RBMS3: variants seen among roughly 807,000 people sequenced by gnomAD.
RBMS3 encodes the protein RNA-binding motif, single-stranded-interacting protein 3.
Under a neutral mutation model 66.8 loss-of-function variants are expected in RBMS3, and 27 were observed. That is an observed-to-expected ratio of 0.40 (90% CI 0.30 to 0.56). The LOEUF is 0.56. Ranked by LOEUF, RBMS3 falls within the 20% of genes least tolerant of loss-of-function variation. RBMS3 has a pLI of 0.40. For missense variants in RBMS3, 513 were observed against 549.5 expected (o/e 0.93, Z 0.66); for synonymous variants, 188 against 183.0 (o/e 1.03, Z -0.22).
chr3:29,967,122 G>A (rs1228544626), intron 12 of RBMS3, among the ~76,000 whole-genome samples: 1 of 152,050 alleles, frequency 6.6e-6, no homozygotes, highest in Non-Finnish European at 1.5e-5. Context: ...TAGCATCTAT[G>A]TTCATCAAGG....
chr3:29,901,983 G>A (rs916404249), intron 10 of RBMS3, among the ~76,000 whole-genome samples: 5 of 151,720 alleles, frequency 3.3e-5, no homozygotes, highest in African/African-American at 2.4e-5. Context: ...TCAAAGTGAG[G>A]TTAAGTCACC....
At chr3:29,448,288 A>G (rs1171089453) in intron 2 of RBMS3, among the ~76,000 whole-genome samples, 7 of 152,194 alleles carry the variant, frequency 4.6e-5, no homozygotes, top group Admixed American at 1.3e-4. Context: ...GGCTCTCCCC[A>G]TTTCAGAATT....
At chr3:29,361,818 C>T (rs1177176628) in intron 1 of RBMS3, among the ~76,000 whole-genome samples, 1 of 152,022 alleles carries the variant, frequency 6.6e-6, no homozygotes, top group Non-Finnish European at 1.5e-5. Context: ...TCACTGATAC[C>T]CTTTCTTCCA....
chr3:29,858,482 T>C (rs1171565862), intron 6 of RBMS3, among the ~76,000 whole-genome samples: 1 of 152,206 alleles, frequency 6.6e-6, no homozygotes, highest in African/African-American at 2.4e-5. Context: ...AGTAACTTTT[T>C]CCTTGGTGCT....
At chr3:29,885,402 T>C (rs930691288) in intron 8 of RBMS3, among the ~76,000 whole-genome samples, 2 of 151,840 alleles carry the variant, frequency 1.3e-5, no homozygotes, top group African/African-American at 4.8e-5. Flanking sequence ...GAAGTAAAGA[T>C]ATGGAGAAGA....
rs188300499 is a variant in RBMS3, at chr3:29,579,164, A to G, written c.308-7950A>G. 7.9e-5 allele frequency among the ~76,000 whole-genome samples: 12 copies of G among 152,302 alleles called. No individual in the cohort carries two copies. In the East Asian group the frequency reaches 2.3e-3, roughly 29 times the overall value. The stretch of plus-strand genomic sequence containing the variant: ...TTCACTTTTCTTCTTTTCTGCTCTG[A>G]ACTATTTCATGTATCTTTCCGGGTT... On this transcript the variant is annotated intron_variant, in intron 3 of 14. Transcript: ENST00000383767.
intron 10 of RBMS3, among the ~76,000 whole-genome samples, chr3:29,923,273 A>G (rs575354878): frequency 2.6e-5 from 4 of 152,328 alleles, no homozygotes; most frequent in Admixed American, 2.0e-4. Context: ...CAATGGAGCT[A>G]TTTCCACAGC....
chr3:29,951,944 AATT>A (rs998220038), intron 12 of RBMS3, among the ~76,000 whole-genome samples: 24 of 151,766 alleles, frequency 1.6e-4, no homozygotes, highest in African/African-American at 4.3e-4. Flanking sequence ...GAATGCATAA[AATT>A]ATTATCATAT....
chr3:29,864,538 C>G (rs529281198), intron 6 of RBMS3, among the ~76,000 whole-genome samples: 9 of 152,128 alleles, frequency 5.9e-5, no homozygotes, highest in East Asian at 3.9e-4. Context: ...GTTGACGAAG[C>G]CTCTATGGAG....
intron 3 of RBMS3, among the ~76,000 whole-genome samples, chr3:29,560,761 A>G (rs1279057732): frequency 3.3e-5 from 5 of 152,220 alleles, no homozygotes; most frequent in African/African-American, 1.2e-4. Context: ...TTTTAAGTGC[A>G]GGAATACAAG....
intron 6 of RBMS3, among the ~76,000 whole-genome samples, chr3:29,823,058 C>T (rs1484800835): frequency 6.6e-6 from 1 of 152,048 alleles, no homozygotes; most frequent in East Asian, 1.9e-4. Flanking sequence ...TTTTTAAATT[C>T]ACATTTAAAA....
intron 4 of RBMS3, among the ~76,000 whole-genome samples, chr3:29,706,670 G>C (rs1184170682): frequency 2.0e-5 from 3 of 152,314 alleles, no homozygotes; most frequent in Admixed American, 2.0e-4. Context: ...GATCTTCAGG[G>C]ATAAAGCCGT....
intron 1 of RBMS3, among the ~76,000 whole-genome samples, chr3:29,397,651 T>C (rs896566321): frequency 6.6e-6 from 1 of 152,138 alleles, no homozygotes; most frequent in Non-Finnish European, 1.5e-5. Context: ...CATCCTTTCC[T>C]ATTATCCTCT....
intron 6 of RBMS3, among the ~76,000 whole-genome samples, chr3:29,788,608 A>AT (rs2056904484): frequency 1.3e-5 from 2 of 152,126 alleles, no homozygotes; most frequent in Admixed American, 1.3e-4. Flanking sequence ...TATGTACAAT[A>AT]TTTTTTATTT....
Position 29,770,584 on chromosome 3 carries a change from A to C in RBMS3, c.637+7595A>C, listed in dbSNP as rs146671940. Among the ~76,000 whole-genome samples, 507 of 152,140 alleles carry C rather than the reference A, an allele frequency of 3.3e-3. 1 individual carries two copies. Among genetic ancestry groups the C allele is most frequent in the African/African-American group, 0.011 (474 of 41,550 alleles). On this transcript the variant is annotated intron_variant, in intron 6 of 14. Coordinates refer to ENST00000383767, the MANE Select transcript of RBMS3 (RefSeq NM_001003793.3). ...ATCTCCAAAATCATGAACCACCTTCATAACTTATTTCTAAAATACTGACTC... is the reference window on the plus strand; with the variant it reads ...ATCTCCAAAATCATGAACCACCTTCCTAACTTATTTCTAAAATACTGACTC...
intron 4 of RBMS3, among the ~76,000 whole-genome samples, chr3:29,603,742 G>T (rs1304660435): frequency 1.3e-5 from 2 of 151,924 alleles, no homozygotes; most frequent in African/African-American, 4.8e-5. Context: ...TGGTTTATAG[G>T]AAAGTGCAGA....
At chr3:29,664,699 A>G (rs1214908112) in intron 4 of RBMS3, among the ~76,000 whole-genome samples, 1 of 151,390 alleles carries the variant, frequency 6.6e-6, no homozygotes, top group East Asian at 1.9e-4. Flanking sequence ...AAAGTACTTT[A>G]TTTTTTTTAG....
At chr3:29,590,483 TAA>T (rs1304692334) in intron 4 of RBMS3, among the ~76,000 whole-genome samples, 2 of 152,232 alleles carry the variant, frequency 1.3e-5, no homozygotes, top group African/African-American at 4.8e-5. Context: ...TTAAAATATA[TAA>T]TAAGTAGCAT....
intron 7 of RBMS3, among the ~76,000 whole-genome samples, chr3:29,880,536 G>T (rs936957431): frequency 2.0e-5 from 3 of 152,028 alleles, no homozygotes; most frequent in Non-Finnish European, 4.4e-5. Context: ...TTCCTTTGTG[G>T]AAAGAGACAA....
Sources: allele counts gnomAD v4.1 joint callset (sites outside exome capture counted in the v4.1 genomes callset), GRCh38; gene constraint gnomAD v4.1.1; transcripts MANE v1.5; gene names NCBI Gene and HGNC (gene_info 2026-07-23, HGNC 2026-07-21).